EXOC4: variants seen among roughly 807,000 people sequenced by gnomAD.
EXOC4 encodes the protein SEC8-like 1.
In EXOC4, 71 loss-of-function variants were observed where a neutral mutation model predicts 107.2. The observed-to-expected ratio is 0.66, with a 90% CI of 0.55 to 0.81. The LOEUF is 0.81. EXOC4 is among the 30% of genes least tolerant of loss of function. The pLI is 0.00. For missense variants in EXOC4, 1,108 were observed against 1,189.6 expected, an observed-to-expected ratio of 0.93 and a Z score of 1.01; for synonymous variants, 456 against 441.2, an observed-to-expected ratio of 1.03 and a Z score of -0.42.
At position 133,674,004 on chromosome 7, in the gene EXOC4, C is replaced by T. The variant is rs954346573; in HGVS notation, c.1514+43863C>T. Among the ~76,000 whole-genome samples the T allele has an allele frequency of 2.6e-5, 4 of 152,244 alleles. No individual in the cohort carries two copies. In the East Asian group the frequency reaches 7.7e-4, roughly 29 times the overall value. On this transcript the variant is annotated intron_variant, in intron 10 of 17. Coordinates refer to ENST00000253861, the MANE Select transcript of EXOC4 (RefSeq NM_021807.4). ...GTTGTATGGTGCCCTATTCTTAAGA[C>T]CTACTGTGACTTTCTATAGTGGAGT... is the stretch of plus-strand genomic sequence containing the variant.
At chr7:133,257,603 T>G (rs1400769985) in intron 1 of EXOC4, among the ~76,000 whole-genome samples, 2 of 152,230 alleles carry the variant, frequency 1.3e-5, no homozygotes, top group African/African-American at 4.8e-5. Flanking sequence ...TTGTGTCACT[T>G]TATAACTTGG....
intron 1 of EXOC4, among the ~76,000 whole-genome samples, chr7:133,263,574 G>T (rs1457861179): frequency 6.6e-6 from 1 of 151,752 alleles, no homozygotes; most frequent in Non-Finnish European, 1.5e-5. Flanking sequence ...TAGACAGGGA[G>T]TTTCACCATG....
intron 1 of EXOC4, among the ~76,000 whole-genome samples, chr7:133,262,237 G>T (rs1795170711): frequency 6.6e-6 from 1 of 152,146 alleles, no homozygotes; most frequent in Non-Finnish European, 1.5e-5. Flanking sequence ...TGGGTGCAGT[G>T]ATATGTGCCT....
intron 7 of EXOC4, among the ~76,000 whole-genome samples, chr7:133,433,205 G>T (rs1797893516): frequency 6.6e-6 from 1 of 152,118 alleles, no homozygotes; most frequent in African/African-American, 2.4e-5. Flanking sequence ...GATGTGGTAG[G>T]TTGGATTATT....
chr7:133,282,907 A>G (rs533931013), intron 2 of EXOC4, among the ~76,000 whole-genome samples: 2 of 152,216 alleles, frequency 1.3e-5, no homozygotes, highest in African/African-American at 2.4e-5. Context: ...GAAGTATTGT[A>G]TCCTTTGACC....
At chr7:133,357,034 G>A (rs977340511) in intron 6 of EXOC4, among the ~76,000 whole-genome samples, 2 of 152,182 alleles carry the variant, frequency 1.3e-5, no homozygotes, top group Admixed American at 6.5e-5. Flanking sequence ...AAAACAGCTT[G>A]ACTAGGCATA....
intron 1 of EXOC4, among the ~76,000 whole-genome samples, chr7:133,256,067 C>T (rs1000275722): frequency 4.0e-5 from 6 of 151,892 alleles, no homozygotes; most frequent in African/African-American, 7.3e-5. Flanking sequence ...CTGCAAGCTC[C>T]GCCTTCCGGG....
intron 7 of EXOC4, among the ~76,000 whole-genome samples, chr7:133,429,099 G>C (rs1026788916): frequency 6.6e-6 from 1 of 152,140 alleles, no homozygotes; most frequent in African/African-American, 2.4e-5. Context: ...GCACGGGTTG[G>C]AAGAACAATG....
chr7:133,284,792 C>T (rs1794237259), intron 2 of EXOC4, among the ~76,000 whole-genome samples: 1 of 152,094 alleles, frequency 6.6e-6, no homozygotes, highest in South Asian at 2.1e-4. Flanking sequence ...GCCTCGGCCT[C>T]CCGAGGTGCT....
chr7:133,528,471 A>G lies in EXOC4; in HGVS notation c.1417+48333A>G, dbSNP rs1023855369. Among the ~76,000 whole-genome samples, 3 of 152,272 alleles carry G rather than the reference A, an allele frequency of 2.0e-5. No individual in the cohort carries two copies. In the East Asian group the frequency reaches 5.8e-4, roughly 29 times the overall value. ...GAGCTATAGAGATCTACAGCTATAT[A>G]TATTTTTTCTGGTGGCTGATCATTG... is the stretch of plus-strand genomic sequence containing the variant. On this transcript the variant is annotated intron_variant, in intron 9 of 17. Transcript: ENST00000253861.
At chr7:133,645,498 A>G (rs1802968535) in intron 10 of EXOC4, among the ~76,000 whole-genome samples, 1 of 151,914 alleles carries the variant, frequency 6.6e-6, no homozygotes. Flanking sequence ...GTTCTCCCTC[A>G]TAAAGAAGAT....
intron 9 of EXOC4, among the ~76,000 whole-genome samples, chr7:133,598,310 A>C (rs1382256986): frequency 6.6e-6 from 1 of 152,186 alleles, no homozygotes; most frequent in Non-Finnish European, 1.5e-5. Context: ...TGAACAGATG[A>C]TCAATTACTT....
At chr7:134,092,189 G>A in the EXOC4 span, among the ~76,000 whole-genome samples, 1 of 152,032 alleles carries the variant, frequency 6.6e-6, no homozygotes, top group South Asian at 2.1e-4. Context: ...GGAATTAGTG[G>A]TGATGCCTCC....
chr7:133,468,287 A>C (rs1798781566), intron 7 of EXOC4, among the ~76,000 whole-genome samples: 1 of 152,162 alleles, frequency 6.6e-6, no homozygotes, highest in Non-Finnish European at 1.5e-5. Flanking sequence ...CAATGAGTAT[A>C]ATTGAGCAGG....
intron 10 of EXOC4, among the ~76,000 whole-genome samples, chr7:133,641,619 A>G (rs960887271): frequency 9.2e-5 from 14 of 152,300 alleles, no homozygotes; most frequent in Admixed American, 2.6e-4. Flanking sequence ...GTCACCTGCA[A>G]TGCTTTGCCA....
intron 9 of EXOC4, among the ~76,000 whole-genome samples, chr7:133,514,364 G>A (rs1799832813): frequency 6.6e-6 from 1 of 152,080 alleles, no homozygotes; most frequent in Admixed American, 6.6e-5. Context: ...GAGTTTCACT[G>A]TGTTAGCCAG....
intron 10 of EXOC4, 45 bp from the exon 11 acceptor site, chr7:133,817,280 A>G (rs1797394558): frequency 7.2e-7 from 1 of 1,392,390 alleles, no homozygotes; most frequent in South Asian, 1.2e-5. Context: ...TTTATATAAC[A>G]TTTTCCTCAT....
At chr7:133,947,565 G>T (rs941686749) in intron 14 of EXOC4, among the ~76,000 whole-genome samples, 1 of 152,162 alleles carries the variant, frequency 6.6e-6, no homozygotes, top group Non-Finnish European at 1.5e-5. Context: ...TGAAAAACAT[G>T]CCAAACCCAA....
intron 14 of EXOC4, among the ~76,000 whole-genome samples, chr7:133,993,412 G>A (rs1438830015): frequency 2.0e-5 from 3 of 152,156 alleles, no homozygotes; most frequent in African/African-American, 7.2e-5. Flanking sequence ...CCATGCTGAG[G>A]ATCCTAAGAG....
Sources: allele counts gnomAD v4.1 joint callset (sites outside exome capture counted in the v4.1 genomes callset), GRCh38; gene constraint gnomAD v4.1.1; transcripts MANE v1.5; gene names NCBI Gene and HGNC (gene_info 2026-07-23, HGNC 2026-07-21).